PCDHGA4: variants seen among roughly 807,000 people sequenced by gnomAD.
PCDHGA4 encodes protocadherin gamma subfamily A, 4.
A neutral mutation model predicts 54.6 loss-of-function variants in PCDHGA4; 38 were observed. That is an observed-to-expected ratio of 0.70 (90% CI 0.54 to 0.91). The LOEUF (loss-of-function observed/expected upper bound fraction) is 0.91. Among genes scored for constraint, PCDHGA4 ranks in the 40% least tolerant of loss-of-function variants. The pLI, the probability that PCDHGA4 is intolerant of heterozygous loss-of-function variation, is 0.00. For missense variants in PCDHGA4, 1,298 were observed against 1,220.9 expected (o/e 1.06, Z -0.94); for synonymous variants, 511 against 512.9 (o/e 1.00, Z 0.05).
At chr5:141,430,373 A>G (rs1456234962) in intron 1 of PCDHGA4, among the ~76,000 whole-genome samples, 1 of 151,170 alleles carries the variant, frequency 6.6e-6, no homozygotes, top group Non-Finnish European at 1.5e-5. Flanking sequence ...GGGAAAAAAA[A>G]GCTCATTGGG....
chr5:141,478,726 G>A, intron 1 of PCDHGA4: 2 of 1,540,996 alleles, frequency 1.3e-6, no homozygotes, highest in Non-Finnish European at 1.8e-6. Context: ...GCCTGCCAGA[G>A]TGTGGTTTGT....
At chr5:141,403,226 C>T (rs1329726577) in intron 1 of PCDHGA4, 1 of 1,613,926 alleles carries the variant, frequency 6.2e-7, no homozygotes, top group South Asian at 1.1e-5. Flanking sequence ...TAGGATAGAC[C>T]GGGAGGAGCT....
In PCDHGA4 at chr5:141,432,704, C is replaced by T; in HGVS notation, c.2515-62103C>T. ...GAGCCTCGTAGTGGCCGTCCAGGAC[C>T]ACGGCCAGCCCCCTCTCTCCGCCAC... is the stretch of plus-strand genomic sequence containing the variant. On this transcript the variant is annotated intron_variant, in intron 1 of 3. Coordinates refer to ENST00000571252, the MANE Select transcript of PCDHGA4 (RefSeq NM_018917.4). The surrounding 1 kb of genome is among the most constrained non-coding windows in gnomAD (Gnocchi z 6.0). The T allele has an allele frequency of 6.2e-7, 1 of 1,613,966 alleles. No homozygotes were observed. The highest frequency in any genetic ancestry group is 8.5e-7 in the Non-Finnish European group (1 of 1,179,976).
chr5:141,487,751 G>A lies in PCDHGA4; in HGVS notation c.2515-7056G>A. ...CACCATTTTTGTAAGAGGTAACTAT[G>A]TGGTAGACGCTGTGCTTTGTAACTG... On this transcript the variant is annotated intron_variant, in intron 1 of 3. Coordinates refer to ENST00000571252, the MANE Select transcript of PCDHGA4 (RefSeq NM_018917.4). This position sits in a 1 kb window ranked among gnomAD's most constrained non-coding sequence, Gnocchi z 5.0. 1 of 1,555,004 alleles carries A rather than the reference G, an allele frequency of 6.4e-7. No homozygotes were observed.
rs532725430 is a variant in PCDHGA4, at chr5:141,429,107, G to A, written c.2515-65700G>A. On this transcript the variant is annotated intron_variant, in intron 1 of 3. Transcript: ENST00000571252. ...CTGACCTCGTGATCTGCCCGCCTCG[G>A]CCTCCCAAAGTGCTGGGATTATAGG... The A allele has an allele frequency of 3.8e-3, 579 of 152,026 alleles. 5 individuals are homozygous for A. Among genetic ancestry groups the A allele is most frequent in the Admixed American group, 0.011 (166 of 15,232 alleles). The allele number at this position is 152,026 out of a possible 1,614,324, so 9.4% of individuals were successfully genotyped here. A position where few individuals can be genotyped will look rare whatever the true frequency, so the allele number is the denominator to read the frequency against.
chr5:141,405,995 A>T (rs985162414), intron 1 of PCDHGA4, among the ~76,000 whole-genome samples: 1 of 151,964 alleles, frequency 6.6e-6, no homozygotes. Context: ...GGTAGCTCTC[A>T]GCCTGCATTG....
rs375537017 is a variant in PCDHGA4 at position 141,419,439 on chromosome 5, C to T, written c.2514+61818C>T. 22 of 1,613,154 alleles carry T rather than the reference C, an allele frequency of 1.4e-5. No individual in the cohort carries two copies. Among genetic ancestry groups the T allele is most frequent in the Non-Finnish European group, 1.7e-5 (20 of 1,179,788 alleles). On this transcript the variant is annotated intron_variant, in intron 1 of 3. Transcript: ENST00000571252. ...GCCTTCGACCACGAGCAGCTGCGCACCTTCGAGCTCACGCTGCAGGCCCGC... is the reference window on the plus strand; with the variant it reads ...GCCTTCGACCACGAGCAGCTGCGCATCTTCGAGCTCACGCTGCAGGCCCGC...
Position 141,399,737 on chromosome 5 carries a change from C to T in PCDHGA4, c.2514+42116C>T, listed in dbSNP as rs888467903. The T allele has an allele frequency of 2.5e-6, 4 of 1,613,296 alleles. No homozygotes were observed. In the South Asian group the frequency reaches 3.3e-5, roughly 13 times the overall value. On this transcript the variant is annotated intron_variant, in intron 1 of 3. Coordinates refer to ENST00000571252, the MANE Select transcript of PCDHGA4 (RefSeq NM_018917.4). Reference sequence around the variant, plus strand: ...CAGGCCCGCGACCAGGGCTCGCCTGCGCTCAGCGCAAACGTGAGCCTGCGC... The same window carrying T: ...CAGGCCCGCGACCAGGGCTCGCCTGTGCTCAGCGCAAACGTGAGCCTGCGC...
Position 141,486,904 on chromosome 5 carries a change from C to G in PCDHGA4, c.2515-7903C>G. On this transcript the variant is annotated intron_variant, in intron 1 of 3. Transcript: ENST00000571252. This position sits in a 1 kb window ranked among gnomAD's most constrained non-coding sequence, Gnocchi z 5.0. The stretch of plus-strand genomic sequence containing the variant: ...GGGCCCGGCCTGGTTCCTTATGTCC[C>G]CAAGCACTGCCTCCATCAGTTGGTG... 6.2e-7 allele frequency: 1 copy of G among 1,614,226 alleles called. No individual in the cohort carries two copies. The highest frequency in any genetic ancestry group is 1.1e-5 in the South Asian group (1 of 91,080).
At chr5:141,389,062 T>G (rs991150761) in intron 1 of PCDHGA4, 1 of 1,613,856 alleles carries the variant, frequency 6.2e-7, no homozygotes, top group African/African-American at 1.3e-5. Context: ...TTTAAAATAT[T>G]AACTTCTTCA....
At chr5:141,415,809 CTA>C in intron 1 of PCDHGA4, 1 of 1,346,328 alleles carries the variant, frequency 7.4e-7, no homozygotes, top group Non-Finnish European at 9.5e-7. Flanking sequence ...CAATCAAGGC[CTA>C]TATATCATAA....
chr5:141,405,840 A>ATATCAGTGT (rs2094725824), intron 1 of PCDHGA4, among the ~76,000 whole-genome samples: 1 of 152,188 alleles, frequency 6.6e-6, no homozygotes, highest in Non-Finnish European at 1.5e-5. Context: ...GTATAAGTTG[A>ATATCAGTGT]TATCAGTGTG....
In PCDHGA4 at chr5:141,419,638, C is replaced by T. The variant is rs191182165; in HGVS notation, c.2514+62017C>T. On this transcript the variant is annotated intron_variant, in intron 1 of 3. Coordinates refer to ENST00000571252, the MANE Select transcript of PCDHGA4 (RefSeq NM_018917.4). Reference sequence around the variant, plus strand: ...GCTACCTGGTGACCAAGGTGGTGGCCGTGGACGCGGACTCGGGGCACAATG... The same window carrying T: ...GCTACCTGGTGACCAAGGTGGTGGCTGTGGACGCGGACTCGGGGCACAATG... The T allele has an allele frequency of 4.9e-3, 7,979 of 1,612,456 alleles. 44 individuals are homozygous for T. Among genetic ancestry groups the T allele is most frequent in the Admixed American group, 9.5e-3 (568 of 60,000 alleles).
intron 1 of PCDHGA4, among the ~76,000 whole-genome samples, chr5:141,483,203 A>G (rs940487337): frequency 6.6e-6 from 1 of 152,204 alleles, no homozygotes; most frequent in Admixed American, 6.5e-5. Flanking sequence ...ATTTTATTCC[A>G]TATAGATGAC....
rs777924092 is a variant in PCDHGA4 at position 141,487,482 on chromosome 5, A to T, written c.2515-7325A>T. The T allele has an allele frequency of 1.2e-6, 2 of 1,614,164 alleles. No individual in the cohort carries two copies. Among genetic ancestry groups the T allele is most frequent in the South Asian group, 2.2e-5 (2 of 91,086 alleles). ...TTTGTTGATGTGGGAGGCCACTCTCATGGCTGTACACCCTTGGCTTCTGCA... is the reference window on the plus strand; with the variant it reads ...TTTGTTGATGTGGGAGGCCACTCTCTTGGCTGTACACCCTTGGCTTCTGCA... On this transcript the variant is annotated intron_variant, in intron 1 of 3. Coordinates refer to ENST00000571252, the MANE Select transcript of PCDHGA4 (RefSeq NM_018917.4). The surrounding 1 kb of genome is among the most constrained non-coding windows in gnomAD (Gnocchi z 5.0).
At chr5:141,459,938 C>T (rs373341229) in intron 1 of PCDHGA4, among the ~76,000 whole-genome samples, 4 of 152,148 alleles carry the variant, frequency 2.6e-5, no homozygotes, top group African/African-American at 4.8e-5. Context: ...TGTAGCTGGG[C>T]GTGATGGCAG....
Position 141,491,992 on chromosome 5 carries a change from T to G in PCDHGA4, c.2515-2815T>G. ...GGCCTCCTTCGAGCTTCCGGTGAAT[T>G]TCGGGCGATTTCCGCGGGTGTCGGG... On this transcript the variant is annotated intron_variant, in intron 1 of 3. Transcript: ENST00000571252. This position sits in a 1 kb window ranked among gnomAD's most constrained non-coding sequence, Gnocchi z 6.9. The G allele has an allele frequency of 1.5e-6, 1 of 684,982 alleles. No homozygotes were observed. The highest frequency in any genetic ancestry group is 2.3e-6 in the Non-Finnish European group (1 of 443,370). The allele number at this position is 684,982 out of a possible 1,614,324, so 42.4% of individuals were successfully genotyped here.
chr5:141,499,996 C>A (rs1246090346), intron 2 of PCDHGA4, among the ~76,000 whole-genome samples: 2 of 151,572 alleles, frequency 1.3e-5, no homozygotes, highest in Non-Finnish European at 2.9e-5. Flanking sequence ...CCAGATGATT[C>A]TTTCATAAGG....
In PCDHGA4 at chr5:141,408,106, G is replaced by A. The variant is rs1474157141; in HGVS notation, c.2514+50485G>A. The A allele has an allele frequency of 8.3e-6, 12 of 1,444,288 alleles. No individual in the cohort carries two copies. In the East Asian group the frequency reaches 2.7e-4, roughly 33 times the overall value. 89.5% of individuals were successfully genotyped at this position (1,444,288 alleles called of 1,614,324 possible). On this transcript the variant is annotated intron_variant, in intron 1 of 3. Transcript: ENST00000571252. ...AGCGGATTGCCAGCTCCGAGACCCG[G>A]GACTCCTCCTGTCCTGGGCCGAATG...
Sources: gnomAD v4.1 joint callset for allele counts (sites outside exome capture counted in the v4.1 genomes callset) on GRCh38, gnomAD v4.1.1 for gene constraint, Gnocchi (gnomAD v3.1) non-coding constraint, MANE v1.5 for transcripts, NCBI Gene and HGNC (gene_info 2026-07-23, HGNC 2026-07-21) for gene names.